Variants in TRANK1 observed in about 807,000 individuals in gnomAD.
TRANK1 encodes the protein TPR and ankyrin repeat-containing protein 1.
A neutral mutation model predicts 266.0 loss-of-function variants in TRANK1; 198 were observed. That is an observed-to-expected ratio of 0.74 (90% CI 0.66 to 0.84). The LOEUF (loss-of-function observed/expected upper bound fraction) is 0.84, where lower values mean the gene tolerates loss of function less well. Among genes scored for constraint, TRANK1 ranks in the 40% least tolerant of loss-of-function variants. The probability of loss-of-function intolerance (pLI) is 0.00; values close to 1 mark genes in which losing one functional copy is unlikely to be tolerated. For synonymous variants in TRANK1, 1,396 were observed against 1,384.1 expected, an observed-to-expected ratio of 1.01 and a Z score of -0.19; for missense variants, 3,326 against 3,634.6, an observed-to-expected ratio of 0.92 and a Z score of 2.18.
chr3:36,900,868 A>AAAAAAAAAAAAAAAAAAAAAAAAAT (rs1385314791), intron 3 of TRANK1, among the ~76,000 whole-genome samples: 1 of 148,204 alleles, frequency 6.7e-6, no homozygotes, highest in East Asian at 1.9e-4. Flanking sequence ...AAAAAAAAAA[A>AAAAAAAAAAAAAAAAAAAAAAAAAT]AAAAAAAAGA....
At chr3:36,933,962 CT>C (rs2080391793) in intron 1 of TRANK1, among the ~76,000 whole-genome samples, 1 of 152,178 alleles carries the variant, frequency 6.6e-6, no homozygotes, top group Non-Finnish European at 1.5e-5. Context: ...ACTCTTTCCA[CT>C]GTGATTGTTC....
At chr3:36,904,921 G>A (rs1002361222) in intron 2 of TRANK1, among the ~76,000 whole-genome samples, 21 of 151,878 alleles carry the variant, frequency 1.4e-4, no homozygotes, top group South Asian at 2.1e-4. Context: ...CCTAATGAGA[G>A]CTACCCTCTC....
rs1321818751 is a variant in TRANK1, at chr3:36,828,055, A to G, written c.*220T>C. 2 of 508,504 alleles carry G rather than the reference A, an allele frequency of 3.9e-6. No individual in the cohort carries two copies. The highest frequency in any genetic ancestry group is 3.8e-5 in the African/African-American group (2 of 52,136). 31.5% of individuals were successfully genotyped at this position (508,504 alleles called of 1,614,324 possible). ...CTGAATTTGTTTGTGGGGGAAACTA[A>G]TACTGCCAGACTCTACTTGGAAACA... On this transcript the variant is annotated 3_prime_UTR_variant, in exon 24 of 24. Coordinates refer to ENST00000645898, the MANE Select transcript of TRANK1 (RefSeq NM_001329998.2).
In TRANK1 at chr3:36,842,607, A is replaced by G. The variant is rs767150636; in HGVS notation, c.5280+15T>C. On this transcript the variant is annotated intron_variant, in intron 18 of 23. Transcript: ENST00000645898. ...GGCACCAGTGACAAGGACCCCTCCT[A>G]GTCCAACCCCTTACCTTCCAGCACT... 13 of 1,612,040 alleles carry G rather than the reference A, an allele frequency of 8.1e-6. No individual in the cohort carries two copies. In the African/African-American group the frequency reaches 1.7e-4, roughly 22 times the overall value.
At chr3:36,850,008 C>T (rs901140796) in intron 15 of TRANK1, 1 of 985,274 alleles carries the variant, frequency 1.0e-6, no homozygotes, top group Admixed American at 6.1e-5. Flanking sequence ...CTTCCAGGAT[C>T]AAGGTAAGAC....
intron 3 of TRANK1, among the ~76,000 whole-genome samples, chr3:36,901,896 G>A (rs921440078): frequency 3.3e-5 from 5 of 152,174 alleles, no homozygotes; most frequent in Non-Finnish European, 5.9e-5. Flanking sequence ...CCGGGATTTG[G>A]GCAAAACCCA....
intron 4 of TRANK1, among the ~76,000 whole-genome samples, chr3:36,897,030 AGTGGCT>A (rs1379909057): frequency 1.3e-5 from 2 of 151,970 alleles, no homozygotes; most frequent in Non-Finnish European, 2.9e-5. Context: ...AACCGGGGGC[AGTGGCT>A]CAAGGCTGTA....
Position 36,884,593 on chromosome 3 carries a change from T to G in TRANK1, c.907+5236A>C, listed in dbSNP as rs578253883. Among the ~76,000 whole-genome samples, 22 of 152,322 alleles carry G rather than the reference T, an allele frequency of 1.4e-4. No individual in the cohort carries two copies. The South Asian group carries it at 3.9e-3, about 27-fold the overall frequency. ...CCGAGTCCATACTGAAATCATTATA[T>G]AATTGAATATACAGGGAGAAGGAAC... On this transcript the variant is annotated intron_variant, in intron 8 of 23. Transcript: ENST00000645898.
rs369004432 is a variant in TRANK1, at chr3:36,856,105, T to A, written c.3617A>T (p.Gln1206Leu). The A allele has an allele frequency of 4.3e-6, 7 of 1,613,740 alleles. No homozygotes were observed. In the Admixed American group the frequency reaches 1.2e-4, roughly 27 times the overall value. The change falls in exon 13 of 24, where the codon CAA becomes CTA. Residue 1206 changes from glutamine to leucine, a missense_variant. Gln to Leu is a moderately radical substitution (Grantham distance 113). Transcript: ENST00000645898. ...CTTGGAAAGCTCAATGAAATTCCTT[T>A]GTACCTCCTGGCACAGCACATGGTT... The part of the protein sequence containing the change: ...TKNHVLCQEV[Q>L]RNFIELSKST...
intron 17 of TRANK1, among the ~76,000 whole-genome samples, chr3:36,844,373 T>C (rs1036918117): frequency 1.3e-5 from 2 of 152,142 alleles, no homozygotes; most frequent in Non-Finnish European, 2.9e-5. Context: ...ACTACAGGCA[T>C]GCACCACCAC....
chr3:36,887,661 T>C (rs1489940940), intron 8 of TRANK1, among the ~76,000 whole-genome samples: 1 of 152,256 alleles, frequency 6.6e-6, no homozygotes, highest in Non-Finnish European at 1.5e-5. Context: ...CTGTATTTTA[T>C]GTGTGGCCCA....
In TRANK1 at chr3:36,879,163, AAAG is replaced by A. The variant is rs2079435986; in HGVS notation, c.908-4870_908-4868del. 2.0e-5 allele frequency among the ~76,000 whole-genome samples: 3 copies of A among 152,024 alleles called. No individual in the cohort carries two copies. In the South Asian group the frequency reaches 6.2e-4, roughly 31 times the overall value. On this transcript the variant is annotated intron_variant, in intron 8 of 23. Coordinates refer to ENST00000645898, the MANE Select transcript of TRANK1 (RefSeq NM_001329998.2). ...GGTTTTGGCAATTGTTTAAAAAAAA[AAAG>A]AAAGAAAACTATTTACATATGCATT...
intron 1 of TRANK1, among the ~76,000 whole-genome samples, chr3:36,909,520 A>T (rs2080022139): frequency 6.6e-6 from 1 of 152,196 alleles, no homozygotes; most frequent in Non-Finnish European, 1.5e-5. Flanking sequence ...GGGAAAGGCA[A>T]ATTGGTAGGG....
chr3:36,857,743 G>A lies in TRANK1; in HGVS notation c.1979C>T (p.Ser660Phe), dbSNP rs772324416. 6.2e-7 allele frequency: 1 copy of A among 1,614,012 alleles called. No homozygotes were observed. The highest frequency in any genetic ancestry group is 1.1e-5 in the South Asian group (1 of 91,088). ...MENRRRSRQD[S>F]AAHLGKLSKS... The stretch of plus-strand genomic sequence containing the variant: ...TGAGAGCTTCCCCAGGTGGGCAGCA[G>A]AGTCCTGCCGGCTCCTCCTCCTGTT... Residue 660 changes from serine (S) to phenylalanine (F), a missense_variant, in exon 13 of 24, where the codon TCT (serine) becomes TTT (phenylalanine). Physicochemically the swap from Ser to Phe is radical, Grantham distance 155. Coordinates refer to ENST00000645898, the MANE Select transcript of TRANK1 (RefSeq NM_001329998.2). The surrounding 1 kb of genome is among the most constrained non-coding windows in gnomAD (Gnocchi z 4.3).
chr3:36,870,818 T>C (rs2079296479), intron 9 of TRANK1, among the ~76,000 whole-genome samples: 1 of 152,152 alleles, frequency 6.6e-6, no homozygotes, highest in South Asian at 2.1e-4. Context: ...GAGATTCTAC[T>C]GAGTCTCTTC....
At chr3:36,903,649 C>A (rs1029559839) in intron 2 of TRANK1, among the ~76,000 whole-genome samples, 21 of 152,240 alleles carry the variant, frequency 1.4e-4, no homozygotes, top group South Asian at 2.1e-4. Context: ...CAGGGAATTC[C>A]ATAGTCTTGG....
intron 5 of TRANK1, 89 bp downstream of exon 5, chr3:36,895,551 T>C (rs2079776612): frequency 1.3e-6 from 1 of 776,526 alleles, no homozygotes; most frequent in Non-Finnish European, 1.9e-6. Flanking sequence ...GATCAACAAA[T>C]AATAAATTAC....
chr3:36,840,208 C>T (rs12495792), intron 18 of TRANK1, among the ~76,000 whole-genome samples: 1 of 151,714 alleles, frequency 6.6e-6, no homozygotes, highest in African/African-American at 2.4e-5. Context: ...TCCCTTCCCT[C>T]CCTAACACCT....
In TRANK1 at chr3:36,835,205, G is replaced by C. The variant is rs903318809; in HGVS notation, c.5518-298C>G. 2.7e-3 allele frequency among the ~76,000 whole-genome samples: 396 copies of C among 149,276 alleles called. 2 individuals carry two copies. The highest frequency in any genetic ancestry group is 9.1e-3 in the African/African-American group (371 of 40,836). On this transcript the variant is annotated intron_variant, in intron 20 of 23. Coordinates refer to ENST00000645898, the MANE Select transcript of TRANK1 (RefSeq NM_001329998.2). ...GTAGTGGCGGGCGCCTGTAGTCCCAGCTACTTGGGAGGCTGAGGCAGGAGA... is the reference window on the plus strand; with the variant it reads ...GTAGTGGCGGGCGCCTGTAGTCCCACCTACTTGGGAGGCTGAGGCAGGAGA...
Sources: allele counts gnomAD v4.1 joint callset (sites outside exome capture counted in the v4.1 genomes callset), GRCh38; gene constraint gnomAD v4.1.1; non-coding constraint Gnocchi (gnomAD v3.1); transcripts MANE v1.5; gene names NCBI Gene and HGNC (gene_info 2026-07-23, HGNC 2026-07-21).